The following DLGAP2 variants were observed in gnomAD, a reference collection of about 807,000 sequenced individuals.
DLGAP2 encodes DLG associated protein 2.
A neutral mutation model predicts 100.3 loss-of-function variants in DLGAP2; 26 were observed. The observed-to-expected ratio is 0.26, with a 90% CI of 0.19 to 0.36. The LOEUF (loss-of-function observed/expected upper bound fraction) is 0.36. Ranked by LOEUF, DLGAP2 falls within the 10% of genes least tolerant of loss-of-function variation. DLGAP2 has a pLI of 1.00. For missense variants in DLGAP2, 1,858 were observed against 1,453.2 expected (o/e 1.28, Z -4.53); for synonymous variants, 886 against 630.1 (o/e 1.41, Z -6.08).
chr8:1,187,023 G>T (rs60015836), intron 2 of DLGAP2, among the ~76,000 whole-genome samples: 6 of 152,008 alleles, frequency 3.9e-5, no homozygotes, highest in Non-Finnish European at 8.8e-5. Flanking sequence ...TGCAGGTGGC[G>T]GTCGTGGGCC....
chr8:795,786 C>A lies in DLGAP2; in HGVS notation c.18+57961C>A, dbSNP rs77261274. On this transcript the variant is annotated intron_variant, in intron 1 of 14. Transcript: ENST00000637795. ...AGAGCAGGCGTCCAGTGAGAGCAGGCGTCCGGTGAGAACAGGCGTCCGGTG... is the reference window on the plus strand; with the variant it reads ...AGAGCAGGCGTCCAGTGAGAGCAGGAGTCCGGTGAGAACAGGCGTCCGGTG... 9.2e-5 allele frequency among the ~76,000 whole-genome samples: 4 copies of A among 43,262 alleles called. 2 individuals are homozygous for A. Among genetic ancestry groups the A allele is most frequent in the Admixed American group, 4.2e-4 (2 of 4,766 alleles). The allele number at this position is 43,262 out of a possible 152,430, so 28.4% of individuals were successfully genotyped here. A position where few individuals can be genotyped will look rare whatever the true frequency, so the allele number is the denominator to read the frequency against.
In DLGAP2 at chr8:1,389,239, G is replaced by C. The variant is rs77774333; in HGVS notation, c.107-112127G>C. Among the ~76,000 whole-genome samples the C allele has an allele frequency of 3.1e-3, 467 of 148,378 alleles. 11 individuals carry two copies. In the East Asian group the frequency reaches 0.051, roughly 16 times the overall value. Reference sequence around the variant, plus strand: ...TAATGGGAGGAGCGGTACTCTGGAGGAGGAGGATTGGAAGGCGACGTGGCT... The same window carrying C: ...TAATGGGAGGAGCGGTACTCTGGAGCAGGAGGATTGGAAGGCGACGTGGCT... On this transcript the variant is annotated intron_variant, in intron 3 of 14. Transcript: ENST00000637795.
chr8:1,646,229 G>A (rs117619057), intron 8 of DLGAP2, among the ~76,000 whole-genome samples: 3,325 of 152,224 alleles, frequency 0.022, 76 homozygotes, highest in Non-Finnish European at 0.031. Flanking sequence ...TAGAGAGAGG[G>A]AATTCCTCCT....
chr8:880,681 C>T (rs28686924), intron 1 of DLGAP2, among the ~76,000 whole-genome samples: 38,167 of 140,178 alleles, frequency 0.27, 5,270 homozygotes, highest in Non-Finnish European at 0.32. Context: ...TCGGGGTGAC[C>T]GTCCAGTGTG....
chr8:1,344,163 T>TCGTGAGTCCG (rs1563095132), intron 3 of DLGAP2, among the ~76,000 whole-genome samples: 870 of 32,854 alleles, frequency 0.026, 56 homozygotes, highest in Middle Eastern at 0.048. Flanking sequence ...TCGTGGGTCT[T>TCGTGAGTCCG]TGTACTCGGG....
intron 3 of DLGAP2, among the ~76,000 whole-genome samples, chr8:1,271,726 A>G (rs561032579): frequency 1.3e-5 from 2 of 152,232 alleles, no homozygotes; most frequent in African/African-American, 4.8e-5. Context: ...AAATGGGACA[A>G]TGTTGGTTGA....
At chr8:1,538,287 A>G (rs1801223639) in intron 4 of DLGAP2, among the ~76,000 whole-genome samples, 1 of 152,124 alleles carries the variant, frequency 6.6e-6, no homozygotes, top group Admixed American at 6.5e-5. Flanking sequence ...TGTGTTCAAA[A>G]GTTATTTCTC....
intron 3 of DLGAP2, among the ~76,000 whole-genome samples, chr8:1,310,541 C>T (rs550968025): frequency 4.7e-4 from 71 of 152,326 alleles, no homozygotes; most frequent in African/African-American, 1.7e-3. Flanking sequence ...TGGAAATACA[C>T]ATTCTTCTCA....
At chr8:1,138,317 C>T (rs961809455) in intron 2 of DLGAP2, among the ~76,000 whole-genome samples, 1 of 152,194 alleles carries the variant, frequency 6.6e-6, no homozygotes. Flanking sequence ...TGTCTGCATG[C>T]CGATGAAGAC....
intron 4 of DLGAP2, among the ~76,000 whole-genome samples, chr8:1,535,302 A>C (rs564237946): frequency 3.3e-5 from 5 of 152,348 alleles, no homozygotes; most frequent in African/African-American, 1.2e-4. Context: ...CTGTGAGCCC[A>C]CTGACAAACT....
chr8:1,198,187 C>A (rs150926426), intron 2 of DLGAP2, among the ~76,000 whole-genome samples: 1 of 152,028 alleles, frequency 6.6e-6, no homozygotes, highest in African/African-American at 2.4e-5. Context: ...GGCTATGCTG[C>A]GGCGAAAAGG....
At chr8:1,364,671 A>C (rs886393254) in intron 3 of DLGAP2, among the ~76,000 whole-genome samples, 5 of 152,252 alleles carry the variant, frequency 3.3e-5, no homozygotes, top group African/African-American at 1.2e-4. Flanking sequence ...TGCTCTGGGC[A>C]AAGCTCGACT....
chr8:1,348,606 C>G (rs138208470), intron 3 of DLGAP2, among the ~76,000 whole-genome samples: 1 of 151,932 alleles, frequency 6.6e-6, no homozygotes, highest in Non-Finnish European at 1.5e-5. Context: ...GCATTGCACT[C>G]ATGGTAGCTG....
chr8:1,364,085 C>CCA (rs1159319925), intron 3 of DLGAP2, among the ~76,000 whole-genome samples: 6 of 152,196 alleles, frequency 3.9e-5, no homozygotes. Context: ...GGTGCAGACC[C>CCA]CACCTTTGGG....
At chr8:990,267 G>A (rs1005955480) in intron 2 of DLGAP2, among the ~76,000 whole-genome samples, 18 of 151,764 alleles carry the variant, frequency 1.2e-4, no homozygotes, top group Admixed American at 9.2e-4. Flanking sequence ...GTCCTGCGCT[G>A]CATGGGAATC....
chr8:1,041,554 C>T (rs536232696), intron 2 of DLGAP2, among the ~76,000 whole-genome samples: 2 of 151,386 alleles, frequency 1.3e-5, no homozygotes, highest in South Asian at 2.1e-4. Flanking sequence ...GTTCTCCGAA[C>T]CCCTTGCCGT....
chr8:1,158,731 G>C (rs144668038), intron 2 of DLGAP2, among the ~76,000 whole-genome samples: 1 of 152,310 alleles, frequency 6.6e-6, no homozygotes, highest in African/African-American at 2.4e-5. Flanking sequence ...CCAGAGCCAC[G>C]CGGGTCCTGG....
intron 3 of DLGAP2, among the ~76,000 whole-genome samples, chr8:1,443,292 G>A (rs561070595): frequency 6.6e-6 from 1 of 151,620 alleles, no homozygotes; most frequent in South Asian, 2.1e-4. Context: ...TCCCTCCACT[G>A]CCCAGAGATA....
intron 1 of DLGAP2, among the ~76,000 whole-genome samples, chr8:831,189 C>T (rs1279880432): frequency 3.3e-5 from 5 of 149,638 alleles, no homozygotes; most frequent in South Asian, 2.2e-4. Context: ...TGAGTCACCA[C>T]GCCCGGTCCA....
Sources: allele counts gnomAD v4.1 joint callset (sites outside exome capture counted in the v4.1 genomes callset), GRCh38; gene constraint gnomAD v4.1.1; transcripts MANE v1.5; gene names NCBI Gene and HGNC (gene_info 2026-07-23, HGNC 2026-07-21).